CCDC150: variants seen among roughly 807,000 people sequenced by gnomAD.
CCDC150 encodes coiled-coil domain containing 150.
In CCDC150, 151 loss-of-function variants were observed where a neutral mutation model predicts 156.5. The ratio of observed to expected loss-of-function variants is 0.97; its 90% CI spans 0.85 to 1.10. The LOEUF (loss-of-function observed/expected upper bound fraction) is 1.10. Among genes scored for constraint, CCDC150 ranks in the 50% least tolerant of loss-of-function variants. CCDC150 has a pLI of 0.00. For synonymous variants in CCDC150, 452 were observed against 429.4 expected, an observed-to-expected ratio of 1.05 and a Z score of -0.65; for missense variants, 1,312 against 1,268.1, an observed-to-expected ratio of 1.03 and a Z score of -0.53.
chr2:196,697,162 A>G (rs2125656763), intron 14 of CCDC150, among the ~76,000 whole-genome samples: 1 of 152,314 alleles, frequency 6.6e-6, no homozygotes, highest in South Asian at 2.1e-4. Flanking sequence ...CTAATACATA[A>G]TAGGTGCTTT....
At chr2:196,728,884 C>T (rs552433191) in intron 22 of CCDC150, among the ~76,000 whole-genome samples, 3 of 152,290 alleles carry the variant, frequency 2.0e-5, no homozygotes, top group African/African-American at 7.2e-5. Flanking sequence ...CTCCAGATCA[C>T]TCAGCTAGTA....
intron 2 of CCDC150, among the ~76,000 whole-genome samples, chr2:196,651,300 T>C (rs906337566): frequency 6.6e-6 from 1 of 152,232 alleles, no homozygotes; most frequent in Non-Finnish European, 1.5e-5. Context: ...ACCTGTATAC[T>C]AGAGATATAA....
intron 21 of CCDC150, 137 bp downstream of exon 21, chr2:196,721,828 G>A: frequency 3.0e-6 from 2 of 676,720 alleles, no homozygotes; most frequent in Non-Finnish European, 4.8e-6. Context: ...GCAGAGCCAT[G>A]TTAAGAACCA....
chr2:196,711,666 T>G (rs1031979150), intron 15 of CCDC150, among the ~76,000 whole-genome samples: 1 of 152,220 alleles, frequency 6.6e-6, no homozygotes, highest in Admixed American at 6.5e-5. Flanking sequence ...TTTATTCAAC[T>G]TTTATAATAT....
At chr2:196,697,387 C>A (rs2125657376) in intron 14 of CCDC150, among the ~76,000 whole-genome samples, 2 of 152,096 alleles carry the variant, frequency 1.3e-5, no homozygotes, top group Non-Finnish European at 2.9e-5. Context: ...ACGCAGGGAA[C>A]CACAGTGAGA....
At chr2:196,720,808 A>G in intron 20 of CCDC150, 140 bp downstream of exon 20, 1 of 712,582 alleles carries the variant, frequency 1.4e-6, no homozygotes, top group Non-Finnish European at 2.3e-6. Context: ...TGACATATCT[A>G]CAAATGGGAA....
At chr2:196,666,273 A>G (rs1443151581) in intron 6 of CCDC150, among the ~76,000 whole-genome samples, 1 of 152,200 alleles carries the variant, frequency 6.6e-6, no homozygotes, top group African/African-American at 2.4e-5. Context: ...TTCATATTTT[A>G]ATATAATTGG....
intron 2 of CCDC150, among the ~76,000 whole-genome samples, chr2:196,654,109 G>A (rs978813953): frequency 6.6e-6 from 1 of 152,146 alleles, no homozygotes; most frequent in East Asian, 1.9e-4. Context: ...GCTGCCCCAT[G>A]ACCCAAACAG....
At chr2:196,654,437 T>A (rs1302176601) in intron 2 of CCDC150, among the ~76,000 whole-genome samples, 1 of 150,224 alleles carries the variant, frequency 6.7e-6, no homozygotes, top group Non-Finnish European at 1.5e-5. Context: ...CTCCTTTTCA[T>A]TTTTTTTTTC....
At chr2:196,684,307 C>T (rs1209484282) in intron 13 of CCDC150, among the ~76,000 whole-genome samples, 1 of 151,896 alleles carries the variant, frequency 6.6e-6, no homozygotes, top group African/African-American at 2.4e-5. Flanking sequence ...TCTTTTTTGA[C>T]CCATTGGTTG....
rs115392010 is a variant in CCDC150, at chr2:196,656,036, G to A, written c.177-597G>A. Among the ~76,000 whole-genome samples, 1,361 of 152,232 alleles carry A rather than the reference G, an allele frequency of 8.9e-3. 10 individuals are homozygous for A. The highest frequency in any genetic ancestry group is 0.015 in the South Asian group (71 of 4,826). ...GGCAACCCCTTCCAGGCAGAAACTG[G>A]GAGCTTTGAGTTGTAGGCCCTTCTC... On this transcript the variant is annotated intron_variant, in intron 2 of 27. Coordinates refer to ENST00000389175, the MANE Select transcript of CCDC150 (RefSeq NM_001080539.2).
intron 2 of CCDC150, among the ~76,000 whole-genome samples, chr2:196,651,642 T>C (rs1376559716): frequency 2.0e-5 from 3 of 152,208 alleles, no homozygotes; most frequent in African/African-American, 7.2e-5. Context: ...ACTTCATCGA[T>C]AGTCTAGTAT....
intron 14 of CCDC150, among the ~76,000 whole-genome samples, chr2:196,699,802 G>A (rs1696086542): frequency 6.6e-6 from 1 of 152,182 alleles, no homozygotes; most frequent in Non-Finnish European, 1.5e-5. Flanking sequence ...TTACAAGTGT[G>A]AGCCACTGTG....
At chr2:196,730,200 T>C (rs1277996204) in intron 25 of CCDC150, 82 bp downstream of exon 25, 17 of 1,230,030 alleles carry the variant, frequency 1.4e-5, no homozygotes, top group Non-Finnish European at 1.7e-5. Flanking sequence ...ACCTAGACTT[T>C]CTAGAGTCTA....
chr2:196,664,292 T>C (rs1693718040), intron 5 of CCDC150, among the ~76,000 whole-genome samples: 1 of 152,162 alleles, frequency 6.6e-6, no homozygotes, highest in South Asian at 2.1e-4. Flanking sequence ...TAGATGCCAA[T>C]TGCAAGCCCC....
At chr2:196,712,592 C>A (rs1236973538) in intron 16 of CCDC150, 85 bp from the exon 17 acceptor site, 3 of 823,666 alleles carry the variant, frequency 3.6e-6, no homozygotes, top group African/African-American at 1.7e-5. Context: ...TGAGTAGAAG[C>A]AGTGAGAAAT....
At chr2:196,693,501 A>G (rs144734958) in intron 13 of CCDC150, among the ~76,000 whole-genome samples, 43 of 152,308 alleles carry the variant, frequency 2.8e-4, no homozygotes, top group Admixed American at 1.0e-3. Context: ...TTGCCCTTAT[A>G]TCCTTCAGCC....
intron 12 of CCDC150, 146 bp downstream of exon 12, chr2:196,676,877 C>A: frequency 1.4e-6 from 1 of 701,882 alleles, no homozygotes; most frequent in Non-Finnish European, 2.4e-6. Flanking sequence ...AGGTGGCTAA[C>A]CTATGCCTTT....
chr2:196,668,599 G>A (rs1370285833), intron 7 of CCDC150, among the ~76,000 whole-genome samples: 1 of 152,110 alleles, frequency 6.6e-6, no homozygotes, highest in East Asian at 1.9e-4. Context: ...TGACATATAT[G>A]CAATTTTATT....
Sources: gnomAD v4.1 joint callset for allele counts (sites outside exome capture counted in the v4.1 genomes callset) on GRCh38, gnomAD v4.1.1 for gene constraint, MANE v1.5 for transcripts, NCBI Gene and HGNC (gene_info 2026-07-23, HGNC 2026-07-21) for gene names.